PDE8B: variants seen among roughly 807,000 people sequenced by gnomAD.
PDE8B encodes the protein high affinity cAMP-specific and IBMX-insensitive 3',5'-cyclic phosphodiesterase 8B.
A neutral mutation model predicts 101.3 loss-of-function variants in PDE8B; 26 were observed. The observed-to-expected ratio is 0.26, with a 90% CI of 0.19 to 0.36. PDE8B has a LOEUF of 0.36. Among genes scored for constraint, PDE8B ranks in the 10% least tolerant of loss-of-function variants. The pLI, the probability that PDE8B is intolerant of heterozygous loss-of-function variation, is 1.00. For synonymous variants in PDE8B, 424 were observed against 429.3 expected (o/e 0.99, Z 0.15); for missense variants, 810 against 1,163.1 (o/e 0.70, Z 4.42).
intron 12 of PDE8B, 41 bp downstream of exon 12, chr5:77,404,838 A>G: frequency 7.9e-7 from 1 of 1,259,334 alleles, no homozygotes; most frequent in Non-Finnish European, 1.2e-6. Context: ...TTTAAAATGT[A>G]GAAAATGATG....
chr5:77,306,809 A>G (rs939309715), intron 1 of PDE8B, among the ~76,000 whole-genome samples: 14 of 152,136 alleles, frequency 9.2e-5, no homozygotes, highest in African/African-American at 3.4e-4. Flanking sequence ...CCATCTGCCT[A>G]CCCTGCACCA....
At chr5:77,155,813 C>A in the PDE8B span, among the ~76,000 whole-genome samples, 8 of 152,090 alleles carry the variant, frequency 5.3e-5, no homozygotes, top group Non-Finnish European at 1.0e-4. Flanking sequence ...TTCTCTGTAC[C>A]TTCTTGCTAT....
intron 1 of PDE8B, among the ~76,000 whole-genome samples, chr5:77,251,472 G>T (rs1052035412): frequency 6.6e-6 from 1 of 152,136 alleles, no homozygotes; most frequent in African/African-American, 2.4e-5. Context: ...AGCAGAGAAG[G>T]TCTCTTTCCC....
At chr5:77,334,508 C>G (rs1432021264) in intron 5 of PDE8B, among the ~76,000 whole-genome samples, 1 of 152,140 alleles carries the variant, frequency 6.6e-6, no homozygotes, top group Non-Finnish European at 1.5e-5. Context: ...AGTTCTGCCT[C>G]TGTGCAATGT....
intron 16 of PDE8B, 99 bp downstream of exon 16, chr5:77,412,334 G>C (rs1241460356): frequency 4.2e-6 from 5 of 1,189,714 alleles, no homozygotes; most frequent in East Asian, 4.9e-5. Flanking sequence ...TGCTGTGAGA[G>C]ACCTCACGGG....
At chr5:77,417,963 C>G (rs750035419) in intron 17 of PDE8B, among the ~76,000 whole-genome samples, 2 of 151,868 alleles carry the variant, frequency 1.3e-5, no homozygotes, top group Non-Finnish European at 2.9e-5. Context: ...CTTGTTTGGC[C>G]TCTTCCTGCA....
chr5:77,157,900 T>C, the PDE8B span, among the ~76,000 whole-genome samples: 1 of 152,212 alleles, frequency 6.6e-6, no homozygotes, highest in Admixed American at 6.5e-5. Flanking sequence ...CTCTCTCTAG[T>C]TACTGACTGC....
At chr5:77,185,958 T>G in the PDE8B span, among the ~76,000 whole-genome samples, 94 of 152,356 alleles carry the variant, frequency 6.2e-4, no homozygotes, top group Non-Finnish European at 5.9e-4. Context: ...GCCAGTAGTA[T>G]TCCTCATCTG....
At chr5:77,109,471 G>A in the PDE8B span, among the ~76,000 whole-genome samples, 1 of 152,210 alleles carries the variant, frequency 6.6e-6, no homozygotes, top group East Asian at 1.9e-4. Context: ...GTCACTGGCT[G>A]TGACCTTATA....
At chr5:77,291,965 T>G (rs1264791101) in intron 1 of PDE8B, among the ~76,000 whole-genome samples, 1 of 152,034 alleles carries the variant, frequency 6.6e-6, no homozygotes, top group Admixed American at 6.6e-5. Flanking sequence ...AAAGACTCCT[T>G]TTTTAAAAAT....
chr5:77,180,389 T>C, the PDE8B span: 6 of 964,496 alleles, frequency 6.2e-6, no homozygotes, highest in African/African-American at 8.8e-5. Context: ...GTGCCCTCTG[T>C]GCGGGGCTAA....
chr5:77,372,698 T>G (rs571487240), intron 10 of PDE8B, among the ~76,000 whole-genome samples: 1 of 152,362 alleles, frequency 6.6e-6, no homozygotes, highest in South Asian at 2.1e-4. Context: ...ATCAAATTTT[T>G]TGGCAAAAGT....
chr5:77,303,568 C>T (rs1312000185), intron 1 of PDE8B, among the ~76,000 whole-genome samples: 1 of 85,042 alleles, frequency 1.2e-5, no homozygotes, highest in Non-Finnish European at 2.2e-5. Context: ...GACTCCATCT[C>T]AAAATAAATA....
chr5:77,336,236 A>G (rs1778165479), intron 5 of PDE8B, among the ~76,000 whole-genome samples: 1 of 152,236 alleles, frequency 6.6e-6, no homozygotes, highest in South Asian at 2.1e-4. Context: ...TAGCCATTTT[A>G]AAGTGAACAA....
In PDE8B at chr5:77,274,687, A is replaced by AATT. The variant is rs1287953491; in HGVS notation, c.340-37306_340-37305insTTA. On this transcript the variant is annotated intron_variant, in intron 1 of 21. Transcript: ENST00000264917. ...GATAACCCTCCTCAAATAACTAGTA[A>AATT]AGGCACAGTGTTCACTGAGGAAAAA... Among the ~76,000 whole-genome samples, 285 of 152,300 alleles carry AATT rather than the reference A, an allele frequency of 1.9e-3. 3 individuals carry two copies. Among genetic ancestry groups the AATT allele is most frequent in the Non-Finnish European group, 4.4e-4 (30 of 68,030 alleles).
Position 77,216,416 on chromosome 5 carries a change from A to G in PDE8B, c.339+5152A>G, listed in dbSNP as rs114045163. On this transcript the variant is annotated intron_variant, in intron 1 of 21. Coordinates refer to ENST00000264917, the MANE Select transcript of PDE8B (RefSeq NM_003719.5). ...CATGTCTTACATGGTGGCAGACGAG[A>G]GAATGAGAACCAAGCAAAAGAGGTT... is the stretch of plus-strand genomic sequence containing the variant. 4.5e-3 allele frequency among the ~76,000 whole-genome samples: 679 copies of G among 152,316 alleles called. 3 individuals are homozygous for G. The highest frequency in any genetic ancestry group is 0.015 in the African/African-American group (640 of 41,562).
chr5:77,344,696 C>CATAT (rs891133431), intron 6 of PDE8B, among the ~76,000 whole-genome samples, 157 bp from the exon 7 acceptor site: 2 of 152,208 alleles, frequency 1.3e-5, no homozygotes, highest in African/African-American at 2.4e-5. Flanking sequence ...TAGATTCCAA[C>CATAT]ATATGAACTG....
At chr5:77,109,670 A>G in the PDE8B span, among the ~76,000 whole-genome samples, 1 of 152,204 alleles carries the variant, frequency 6.6e-6, no homozygotes, top group Non-Finnish European at 1.5e-5. Flanking sequence ...AGCCAGGTAC[A>G]ACACCAGAGG....
At chr5:77,378,533 A>G (rs1786794906) in intron 10 of PDE8B, among the ~76,000 whole-genome samples, 2 of 147,560 alleles carry the variant, frequency 1.4e-5, no homozygotes, top group South Asian at 4.4e-4. Flanking sequence ...TTTTCACTTT[A>G]TTGGTGTTTC....
Sources: gnomAD v4.1 joint callset for allele counts (sites outside exome capture counted in the v4.1 genomes callset) on GRCh38, gnomAD v4.1.1 for gene constraint, MANE v1.5 for transcripts, NCBI Gene and HGNC (gene_info 2026-07-23, HGNC 2026-07-21) for gene names.